Variants in CCDC73 observed in about 807,000 individuals in gnomAD.
CCDC73 encodes the protein coiled-coil domain containing 73.
Under a neutral mutation model 116.5 loss-of-function variants are expected in CCDC73, and 95 were observed. That is an observed-to-expected ratio of 0.82 (90% CI 0.69 to 0.97). The LOEUF (loss-of-function observed/expected upper bound fraction) is 0.97. Ranked by LOEUF, CCDC73 falls within the 50% of genes least tolerant of loss-of-function variation. CCDC73 has a pLI of 0.00. For missense variants in CCDC73, 1,066 were observed against 1,206.8 expected (o/e 0.88, Z 1.73); for synonymous variants, 398 against 401.3 (o/e 0.99, Z 0.10).
rs980535579 is a variant in CCDC73 at position 32,615,832 on chromosome 11, A to T, written c.1375+108T>A. ...AAGGCAGAAACCAGAATCCAAAAAG[A>T]CTAGGAATAAGTCATGAAGAGGGGA... On this transcript the variant is annotated intron_variant, in intron 15 of 17. Transcript: ENST00000335185. The T allele has an allele frequency of 4.8e-6, 5 of 1,046,378 alleles. No homozygotes were observed. In the African/African-American group the frequency reaches 6.6e-5, roughly 14 times the overall value. The allele number at this position is 1,046,378 out of a possible 1,614,324, so 64.8% of individuals were successfully genotyped here. A position where few individuals can be genotyped will look rare whatever the true frequency, so the allele number is the denominator to read the frequency against.
chr11:32,787,659 T>C lies in CCDC73; in HGVS notation c.-16+6954A>G, dbSNP rs532382809. Among the ~76,000 whole-genome samples, 10 of 152,286 alleles carry C rather than the reference T, an allele frequency of 6.6e-5. No homozygotes were observed. In the South Asian group the frequency reaches 2.1e-3, roughly 32 times the overall value. ...CCTATAAGCCTGTCTCCTTCATACA[T>C]AATTATTAATTTAGTATGTAAATGT... On this transcript the variant is annotated intron_variant, in intron 1 of 17. Coordinates refer to ENST00000335185, the MANE Select transcript of CCDC73 (RefSeq NM_001008391.4).
At chr11:32,714,608 T>C (rs553806990) in intron 3 of CCDC73, among the ~76,000 whole-genome samples, 13 of 152,192 alleles carry the variant, frequency 8.5e-5, no homozygotes, top group Admixed American at 3.9e-4. Context: ...GTCTCCCAGA[T>C]GAACAGACAC....
At chr11:32,647,966 C>A (rs1477066871) in intron 12 of CCDC73, among the ~76,000 whole-genome samples, 2 of 152,142 alleles carry the variant, frequency 1.3e-5, no homozygotes, top group African/African-American at 4.8e-5. Context: ...CCAGCCCCCA[C>A]TGGCAAAAGC....
intron 9 of CCDC73, among the ~76,000 whole-genome samples, chr11:32,660,832 AAG>A (rs1311813965): frequency 6.6e-6 from 1 of 152,112 alleles, no homozygotes; most frequent in African/African-American, 2.4e-5. Context: ...GACTCAAAAA[AAG>A]AGAGAGAGAG....
Position 32,675,936 on chromosome 11 carries a change from G to A in CCDC73, c.515C>T (p.Thr172Ile). 4 of 1,608,974 alleles carry A rather than the reference G, an allele frequency of 2.5e-6. No homozygotes were observed. The highest frequency in any genetic ancestry group is 2.5e-6 in the Non-Finnish European group (3 of 1,177,960). Reference protein sequence around the residue: ...SEIEKYYATITGQFGLVKENH... With the variant: ...SEIEKYYATIIGQFGLVKENH... Reference sequence around the variant, plus strand: ...CTCTTTTACCAATCCAAATTGACCTGTTATTGTGGCATAATATTTCTCAAT... The same window carrying A: ...CTCTTTTACCAATCCAAATTGACCTATTATTGTGGCATAATATTTCTCAAT... Residue 172 changes from threonine to isoleucine, a missense_variant, in exon 8 of 18, where the codon ACA (threonine) becomes ATA (isoleucine). Transcript: ENST00000335185.
Position 32,725,328 on chromosome 11 carries a change from C to T in CCDC73, c.136-7181G>A, listed in dbSNP as rs555040464. Among the ~76,000 whole-genome samples, 42 of 152,084 alleles carry T rather than the reference C, an allele frequency of 2.8e-4. No individual in the cohort carries two copies. In the South Asian group the frequency reaches 3.1e-3, roughly 11 times the overall value. ...TTAGCTGTTGTTAACTTCTTATATACGTAATTTATAAACTAAACTTCATTA... is the reference window on the plus strand; with the variant it reads ...TTAGCTGTTGTTAACTTCTTATATATGTAATTTATAAACTAAACTTCATTA... On this transcript the variant is annotated intron_variant, in intron 2 of 17. Coordinates refer to ENST00000335185, the MANE Select transcript of CCDC73 (RefSeq NM_001008391.4).
At chr11:32,619,116 A>G (rs1248080265) in intron 14 of CCDC73, among the ~76,000 whole-genome samples, 5 of 151,980 alleles carry the variant, frequency 3.3e-5, no homozygotes, top group African/African-American at 9.7e-5. Flanking sequence ...TGGGTTGTCT[A>G]TTTACTCTGT....
the CCDC73 span, among the ~76,000 whole-genome samples, chr11:32,812,699 A>C: frequency 1.3e-5 from 2 of 149,356 alleles, no homozygotes; most frequent in South Asian, 4.2e-4. Flanking sequence ...TTAGTCAGGC[A>C]TGGTGGTGCA....
intron 6 of CCDC73, among the ~76,000 whole-genome samples, chr11:32,696,004 T>C (rs1856308172): frequency 1.3e-5 from 2 of 152,128 alleles, no homozygotes; most frequent in African/African-American, 2.4e-5. Context: ...GTTTAGCTAC[T>C]AGTATCATTT....
intron 14 of CCDC73, among the ~76,000 whole-genome samples, chr11:32,629,952 A>C (rs992796094): frequency 6.7e-6 from 1 of 150,092 alleles, no homozygotes; most frequent in African/African-American, 2.4e-5. Flanking sequence ...AAAACGTTAA[A>C]AGGAAGTTCT....
chr11:32,768,368 C>T (rs895812255), intron 1 of CCDC73, among the ~76,000 whole-genome samples: 3 of 152,014 alleles, frequency 2.0e-5, no homozygotes, highest in Non-Finnish European at 4.4e-5. Flanking sequence ...ATATACGTAA[C>T]ATAAATGACG....
intron 1 of CCDC73, among the ~76,000 whole-genome samples, chr11:32,778,265 G>A (rs571028805): frequency 3.8e-4 from 58 of 152,240 alleles, no homozygotes; most frequent in Non-Finnish European, 6.3e-4. Context: ...CAGCAATCCT[G>A]TGTTTTAACA....
At chr11:32,613,368 C>T in intron 16 of CCDC73, 54 bp downstream of exon 16, 3 of 1,432,450 alleles carry the variant, frequency 2.1e-6, no homozygotes, top group East Asian at 2.3e-5. Flanking sequence ...ACACATTTAT[C>T]AAGAATAAGT....
intron 2 of CCDC73, among the ~76,000 whole-genome samples, chr11:32,735,817 G>C (rs1201412112): frequency 2.0e-5 from 3 of 152,152 alleles, no homozygotes; most frequent in African/African-American, 7.2e-5. Context: ...CAGAGATATA[G>C]ACCAATGGAA....
chr11:32,681,487 A>T (rs548416249), intron 7 of CCDC73: 1 of 152,104 alleles, frequency 6.6e-6, no homozygotes, highest in South Asian at 2.1e-4. Flanking sequence ...ATGTTAATTT[A>T]TCTCAGAACC....
intron 2 of CCDC73, among the ~76,000 whole-genome samples, chr11:32,754,563 CAT>C (rs1850315675): frequency 6.6e-6 from 1 of 152,194 alleles, no homozygotes; most frequent in African/African-American, 2.4e-5. Flanking sequence ...TAAATCCACA[CAT>C]AGACACATTA....
chr11:32,672,640 A>G (rs1163621102), intron 9 of CCDC73, among the ~76,000 whole-genome samples: 2 of 152,192 alleles, frequency 1.3e-5, no homozygotes, highest in Non-Finnish European at 2.9e-5. Context: ...ACTGATAGAA[A>G]TGAGTGGTCC....
intron 1 of CCDC73, among the ~76,000 whole-genome samples, chr11:32,790,648 T>A (rs1850666568): frequency 6.7e-6 from 1 of 149,346 alleles, no homozygotes; most frequent in African/African-American, 2.4e-5. Flanking sequence ...ACTAAAATCT[T>A]TACCAAATTT....
intron 2 of CCDC73, among the ~76,000 whole-genome samples, chr11:32,721,408 GGATA>G (rs1294089011): frequency 6.6e-6 from 1 of 151,796 alleles, no homozygotes; most frequent in African/African-American, 2.4e-5. Flanking sequence ...GTCAAAAGAG[GGATA>G]GATAGATATG....
Sources: allele counts gnomAD v4.1 joint callset (sites outside exome capture counted in the v4.1 genomes callset), GRCh38; gene constraint gnomAD v4.1.1; transcripts MANE v1.5; gene names NCBI Gene and HGNC (gene_info 2026-07-23, HGNC 2026-07-21).